The following NCKAP5 variants were observed in gnomAD, a reference collection of about 807,000 sequenced individuals.
NCKAP5 encodes nck-associated protein 5.
A neutral mutation model predicts 167.0 loss-of-function variants in NCKAP5; 92 were observed. The ratio of observed to expected loss-of-function variants is 0.55; its 90% CI spans 0.47 to 0.66. NCKAP5 has a LOEUF of 0.66. Ranked by LOEUF, NCKAP5 falls within the 30% of genes least tolerant of loss-of-function variation. The pLI is 0.00. For synonymous variants in NCKAP5, 891 were observed against 877.4 expected, an observed-to-expected ratio of 1.02 and a Z score of -0.27; for missense variants, 2,378 against 2,315.0, an observed-to-expected ratio of 1.03 and a Z score of -0.56.
chr2:133,481,635 C>T (rs1203444830), intron 3 of NCKAP5, among the ~76,000 whole-genome samples: 1 of 152,120 alleles, frequency 6.6e-6, no homozygotes, highest in East Asian at 1.9e-4. Context: ...CTCTTTGCGT[C>T]CATGTGTTCT....
chr2:133,520,458 T>C (rs761466410), intron 2 of NCKAP5, among the ~76,000 whole-genome samples: 1 of 152,210 alleles, frequency 6.6e-6, no homozygotes, highest in Non-Finnish European at 1.5e-5. Context: ...TATGACAGCA[T>C]TGATAATAGG....
chr2:132,945,903 C>T (rs1394328980), intron 8 of NCKAP5, among the ~76,000 whole-genome samples: 5 of 152,116 alleles, frequency 3.3e-5, no homozygotes, highest in Admixed American at 1.3e-4. Context: ...CTCAGTATTA[C>T]GAAAATGTCA....
At chr2:133,064,672 G>T (rs970376526) in intron 6 of NCKAP5, among the ~76,000 whole-genome samples, 4 of 152,086 alleles carry the variant, frequency 2.6e-5, no homozygotes, top group Non-Finnish European at 5.9e-5. Flanking sequence ...ACTGTCCATC[G>T]TTGCTCTGGG....
chr2:133,620,207 A>T, the NCKAP5 span, among the ~76,000 whole-genome samples: 2 of 152,088 alleles, frequency 1.3e-5, no homozygotes, highest in African/African-American at 4.8e-5. Context: ...GGCAAAATAT[A>T]GCACAATGAA....
At chr2:133,671,630 T>A in the NCKAP5 span, among the ~76,000 whole-genome samples, 1 of 152,110 alleles carries the variant, frequency 6.6e-6, no homozygotes, top group African/African-American at 2.4e-5. Flanking sequence ...AAGGCTGTCA[T>A]CAGAGGCAGC....
intron 12 of NCKAP5, among the ~76,000 whole-genome samples, chr2:132,790,504 T>C (rs1372497755): frequency 1.3e-5 from 2 of 152,212 alleles, no homozygotes; most frequent in Non-Finnish European, 2.9e-5. Context: ...TATTGAATAC[T>C]GTGCTGAAAA....
At chr2:132,839,631 T>C (rs895715) in intron 11 of NCKAP5, among the ~76,000 whole-genome samples, 99,927 of 151,404 alleles carry the variant, frequency 0.66, 35,373 homozygotes, top group African/African-American at 0.91. Context: ...CATGTTGGCA[T>C]TTGCCTGTCC....
chr2:133,011,748 G>C (rs1167281128), intron 6 of NCKAP5, among the ~76,000 whole-genome samples: 2 of 152,178 alleles, frequency 1.3e-5, no homozygotes, highest in Non-Finnish European at 2.9e-5. Flanking sequence ...CAGTGTGTTT[G>C]GTGTTGCTCA....
chr2:133,241,276 A>G (rs981774048), intron 4 of NCKAP5, among the ~76,000 whole-genome samples: 7 of 152,196 alleles, frequency 4.6e-5, no homozygotes, highest in African/African-American at 1.4e-4. Context: ...TTCAGTCGGC[A>G]GTGTTGCTCA....
chr2:133,293,137 A>T (rs1679720326), intron 4 of NCKAP5, among the ~76,000 whole-genome samples: 1 of 152,192 alleles, frequency 6.6e-6, no homozygotes, highest in South Asian at 2.1e-4. Flanking sequence ...GCCCCAGTGG[A>T]ATAATCTTGA....
chr2:133,476,122 A>G (rs148120762), intron 3 of NCKAP5, among the ~76,000 whole-genome samples: 1 of 152,354 alleles, frequency 6.6e-6, no homozygotes, highest in African/African-American at 2.4e-5. Context: ...AAGCAGTTAA[A>G]TAGAAAGTTA....
intron 8 of NCKAP5, among the ~76,000 whole-genome samples, chr2:132,955,298 A>G (rs1032073416): frequency 1.3e-5 from 2 of 152,192 alleles, no homozygotes; most frequent in African/African-American, 4.8e-5. Flanking sequence ...GAAGCCACTG[A>G]AGAGCACTTT....
chr2:132,765,572 G>T (rs1464848810), intron 16 of NCKAP5, among the ~76,000 whole-genome samples: 2 of 90,642 alleles, frequency 2.2e-5, no homozygotes, highest in Non-Finnish European at 4.3e-5. Context: ...CTCAGCACAG[G>T]CATGAGCCAC....
intron 19 of NCKAP5, among the ~76,000 whole-genome samples, chr2:132,714,576 G>T (rs1284988226): frequency 6.6e-6 from 1 of 152,110 alleles, no homozygotes; most frequent in African/African-American, 2.4e-5. Context: ...CCAGCACTTT[G>T]GGAAGCCGAG....
intron 19 of NCKAP5, among the ~76,000 whole-genome samples, chr2:132,703,893 A>G (rs1688106651): frequency 6.6e-6 from 1 of 152,206 alleles, no homozygotes; most frequent in African/African-American, 2.4e-5. Flanking sequence ...CACTGCTGAC[A>G]TACATGGATA....
At chr2:133,593,798 C>T in the NCKAP5 span, among the ~76,000 whole-genome samples, 1 of 152,174 alleles carries the variant, frequency 6.6e-6, no homozygotes. Context: ...TTCTGTGAAA[C>T]AGGATAGAAC....
chr2:133,123,986 T>C (rs2082326730), intron 6 of NCKAP5, among the ~76,000 whole-genome samples: 1 of 152,190 alleles, frequency 6.6e-6, no homozygotes, highest in South Asian at 2.1e-4. Context: ...ACCGATAATG[T>C]GAACAGCAAT....
chr2:132,976,502 T>TGCAGTGAGCTGAGATGGC, intron 7 of NCKAP5, among the ~76,000 whole-genome samples: 1 of 146,470 alleles, frequency 6.8e-6, no homozygotes. Context: ...AGTCGGAGGT[T>TGCAGTGAGCTGAGATGGC]GCAGTGAGCT....
intron 3 of NCKAP5, among the ~76,000 whole-genome samples, chr2:133,493,647 T>C (rs1258014258): frequency 6.6e-6 from 1 of 152,222 alleles, no homozygotes; most frequent in Non-Finnish European, 1.5e-5. Context: ...AATTCCAGGT[T>C]CATTTTATAT....
Sources: allele counts gnomAD v4.1 joint callset (sites outside exome capture counted in the v4.1 genomes callset), GRCh38; gene constraint gnomAD v4.1.1; transcripts MANE v1.5; gene names NCBI Gene and HGNC (gene_info 2026-07-23, HGNC 2026-07-21).